Variants in CRISPLD1 observed in about 807,000 individuals in gnomAD.
CRISPLD1 encodes the protein cysteine-rich secretory protein LCCL domain-containing 1.
In CRISPLD1, 60 loss-of-function variants were observed where a neutral mutation model predicts 77.5. That is an observed-to-expected ratio of 0.77 (90% CI 0.63 to 0.96). The LOEUF is 0.96. Ranked by LOEUF, CRISPLD1 falls within the 40% of genes least tolerant of loss-of-function variation. The probability of loss-of-function intolerance (pLI) is 0.00; values close to 1 mark genes in which losing one functional copy is unlikely to be tolerated. For synonymous variants in CRISPLD1, 195 were observed against 200.1 expected, an observed-to-expected ratio of 0.97 and a Z score of 0.22; for missense variants, 623 against 615.8, an observed-to-expected ratio of 1.01 and a Z score of -0.12.
intron 5 of CRISPLD1, 116 bp downstream of exon 5, chr8:75,014,218 A>G: frequency 1.5e-6 from 1 of 676,728 alleles, no homozygotes; most frequent in East Asian, 2.8e-5. Flanking sequence ...TATTATTTTA[A>G]TTCTGTTTAT....
intron 2 of CRISPLD1, among the ~76,000 whole-genome samples, chr8:75,008,544 A>G (rs1410618737): frequency 6.6e-6 from 1 of 152,140 alleles, no homozygotes; most frequent in East Asian, 1.9e-4. Context: ...GTATTATTGA[A>G]CTTGACCTAA....
intron 2 of CRISPLD1, among the ~76,000 whole-genome samples, chr8:75,003,547 T>A (rs1191678850): frequency 6.6e-6 from 1 of 152,188 alleles, no homozygotes; most frequent in East Asian, 1.9e-4. Context: ...TTATAGACTT[T>A]TAGATCAATC....
intron 2 of CRISPLD1, among the ~76,000 whole-genome samples, chr8:74,998,103 A>G (rs1812672851): frequency 1.3e-5 from 2 of 152,184 alleles, no homozygotes; most frequent in Non-Finnish European, 2.9e-5. Context: ...AAGAAAATAT[A>G]ACTTATTCTA....
rs1813362172 is a variant in CRISPLD1, at chr8:75,032,202, C to T, written c.1463C>T (p.Pro488Leu). 5 of 1,606,518 alleles carry T rather than the reference C, an allele frequency of 3.1e-6. No individual in the cohort carries two copies. Among genetic ancestry groups the T allele is most frequent in the Non-Finnish European group, 4.3e-6 (5 of 1,175,322 alleles). Residue 488 changes from proline to leucine, a missense_variant, in exon 15 of 15, where the codon CCT becomes CTT. Transcript: ENST00000262207. ...TTTTTTTTTTGCAGTTTACAGAATC[C>T]TCCAGGAGGAAAGGCATTCAGAGTG... ...NGIFSESLQNPPGGKAFRVFA... is the reference protein window; with the variant it reads ...NGIFSESLQNLPGGKAFRVFA...
intron 2 of CRISPLD1, among the ~76,000 whole-genome samples, chr8:74,994,637 T>A (rs1812620402): frequency 1.3e-5 from 2 of 152,134 alleles, no homozygotes; most frequent in Non-Finnish European, 2.9e-5. Context: ...TAGTCTGCCT[T>A]CCCTCTCAAA....
chr8:75,030,803 CAT>C lies in CRISPLD1; in HGVS notation c.1451+1289_1451+1290del, dbSNP rs561096865. On this transcript the variant is annotated intron_variant, in intron 14 of 14. Coordinates refer to ENST00000262207, the MANE Select transcript of CRISPLD1 (RefSeq NM_031461.6). ...GTGACTGTATATATGTGTGAGTATG[CAT>C]ATGTGTATGTGTATGTATATATGTG... Among the ~76,000 whole-genome samples the C allele has an allele frequency of 5.1e-3, 766 of 150,016 alleles. 6 individuals carry two copies. Among genetic ancestry groups the C allele is most frequent in the African/African-American group, 0.018 (733 of 40,816 alleles).
intron 12 of CRISPLD1, among the ~76,000 whole-genome samples, chr8:75,024,421 G>T (rs1813197754): frequency 6.6e-6 from 1 of 152,128 alleles, no homozygotes; most frequent in Non-Finnish European, 1.5e-5. Flanking sequence ...CGCCTCCCAG[G>T]TTCCAACAAT....
intron 12 of CRISPLD1, among the ~76,000 whole-genome samples, chr8:75,021,410 A>AT (rs924461669): frequency 2.0e-5 from 3 of 152,138 alleles, no homozygotes; most frequent in Admixed American, 6.5e-5. Flanking sequence ...CTGTTGTAAT[A>AT]TTTTTGGTCA....
intron 12 of CRISPLD1, among the ~76,000 whole-genome samples, chr8:75,021,083 A>G (rs772582938): frequency 1.3e-5 from 2 of 152,196 alleles, no homozygotes. Flanking sequence ...AGATTTAAAG[A>G]TATCATTGTA....
At position 75,033,145 on chromosome 8, in the gene CRISPLD1, A is replaced by G. The variant is rs1813382344; in HGVS notation, c.*903A>G. 6.6e-6 allele frequency: 1 copy of G among 152,322 alleles called. No homozygotes were observed. Among genetic ancestry groups the G allele is most frequent in the South Asian group, 2.1e-4 (1 of 4,830 alleles). 9.4% of individuals were successfully genotyped at this position (152,322 alleles called of 1,614,324 possible). On this transcript the variant is annotated 3_prime_UTR_variant, in exon 15 of 15. Coordinates refer to ENST00000262207, the MANE Select transcript of CRISPLD1 (RefSeq NM_031461.6). ...TAAATATTGCCATATCATGGTACCTATAATGGTGATATATTTGTTTCTATG... is the reference window on the plus strand; with the variant it reads ...TAAATATTGCCATATCATGGTACCTGTAATGGTGATATATTTGTTTCTATG...
Position 75,017,376 on chromosome 8 carries a change from C to T in CRISPLD1, c.1053C>T (p.Gly351=). The change falls in exon 10 of 15, where the codon GGC becomes GGT. Residue 351 remains glycine, a synonymous_variant. Transcript: ENST00000262207. Reference sequence around the variant, plus strand: ...ATGGTATAATAGACAATGATGGTGGCTGGGTAGATATCACTAGACAAGGAA... The same window carrying T: ...ATGGTATAATAGACAATGATGGTGGTTGGGTAGATATCACTAGACAAGGAA... ...IHYGIIDNDG[G]WVDITRQGRK... 1 of 1,610,816 alleles carries T rather than the reference C, an allele frequency of 6.2e-7. No homozygotes were observed. The highest frequency in any genetic ancestry group is 8.5e-7 in the Non-Finnish European group (1 of 1,178,274).
chr8:74,985,919 G>T lies in CRISPLD1; in HGVS notation c.-62-7G>T. 6.6e-7 allele frequency: 1 copy of T among 1,506,788 alleles called. No individual in the cohort carries two copies. 93.3% of individuals were successfully genotyped at this position (1,506,788 alleles called of 1,614,324 possible). On this transcript the variant is annotated splice_region_variant and splice_polypyrimidine_tract_variant and intron_variant, in intron 1 of 14. Coordinates refer to ENST00000262207, the MANE Select transcript of CRISPLD1 (RefSeq NM_031461.6). Reference sequence around the variant, plus strand: ...TTTCATCTTAATCACATGACATGTCGTTATAGCCAAAAGGAGTGGAAGAGC... The same window carrying T: ...TTTCATCTTAATCACATGACATGTCTTTATAGCCAAAAGGAGTGGAAGAGC...
At chr8:75,000,913 A>G (rs1315551226) in intron 2 of CRISPLD1, among the ~76,000 whole-genome samples, 1 of 152,176 alleles carries the variant, frequency 6.6e-6, no homozygotes, top group East Asian at 1.9e-4. Context: ...TGGACAGAAT[A>G]AAAAGGATTG....
intron 13 of CRISPLD1, among the ~76,000 whole-genome samples, chr8:75,028,379 T>C (rs1480521509): frequency 6.6e-6 from 1 of 152,070 alleles, no homozygotes; most frequent in African/African-American, 2.4e-5. Context: ...GCATATTAAA[T>C]CACTCACATG....
rs779358902 is a variant in CRISPLD1 at position 75,029,453 on chromosome 8, G to A, written c.1387G>A (p.Val463Ile). 10 of 1,613,808 alleles carry A rather than the reference G, an allele frequency of 6.2e-6. No homozygotes were observed. The highest frequency in any genetic ancestry group is 8.5e-6 in the Non-Finnish European group (10 of 1,179,768). ...VVRNHGGYVD[V>I]MPVDKRKTYI... ...TCGAAATCACGGTGGTTATGTTGAT[G>A]TAATGCCTGTGGACAAAAGAAAGAC... The change falls in exon 14 of 15, where the codon GTA becomes ATA. Residue 463 changes from valine (V) to isoleucine (I), a missense_variant. By Grantham distance (29) the Val-to-Ile change is conservative (BLOSUM62 3). Coordinates refer to ENST00000262207, the MANE Select transcript of CRISPLD1 (RefSeq NM_031461.6).
chr8:75,031,587 G>GTGTT lies in CRISPLD1; in HGVS notation c.1452-601_1452-600insTTGT, dbSNP rs1454156080. On this transcript the variant is annotated intron_variant, in intron 14 of 14. Transcript: ENST00000262207. Reference sequence around the variant, plus strand: ...ATGCTCTGTGTGTGTGTGTGTGTGTGTGTGTGTGTATTTTTTCATTTCAGT... The same window carrying GTGTT: ...ATGCTCTGTGTGTGTGTGTGTGTGTGTGTTTGTGTGTGTATTTTTTCATTTCAGT... Among the ~76,000 whole-genome samples the GTGTT allele has an allele frequency of 1.2e-4, 18 of 151,220 alleles. No individual in the cohort carries two copies. In the East Asian group the frequency reaches 3.2e-3, roughly 26 times the overall value.
intron 2 of CRISPLD1, among the ~76,000 whole-genome samples, chr8:74,995,093 T>G (rs1009186065): frequency 2.0e-5 from 3 of 152,068 alleles, no homozygotes; most frequent in Non-Finnish European, 4.4e-5. Context: ...TGAGGAGAGA[T>G]GAGATCATCA....
At chr8:75,005,254 T>G (rs1316046232) in intron 2 of CRISPLD1, among the ~76,000 whole-genome samples, 1 of 152,144 alleles carries the variant, frequency 6.6e-6, no homozygotes, top group Non-Finnish European at 1.5e-5. Context: ...GGGTATCATC[T>G]AAGAGACTGT....
At chr8:75,014,687 T>C (rs938921747) in intron 5 of CRISPLD1, 125 bp from the exon 6 acceptor site, 114 of 586,130 alleles carry the variant, frequency 1.9e-4, no homozygotes, top group Admixed American at 3.7e-5. Flanking sequence ...TAATAAATTA[T>C]ATGAATGTCT....
Sources: allele counts gnomAD v4.1 joint callset (sites outside exome capture counted in the v4.1 genomes callset), GRCh38; gene constraint gnomAD v4.1.1; transcripts MANE v1.5; gene names NCBI Gene and HGNC (gene_info 2026-07-23, HGNC 2026-07-21).